The following KIAA0586 variants were observed in gnomAD, a reference collection of about 807,000 sequenced individuals.
KIAA0586 encodes the protein protein TALPID3.
A neutral mutation model predicts 169.8 loss-of-function variants in KIAA0586; 144 were observed. That is an observed-to-expected ratio of 0.85 (90% CI 0.74 to 0.97). The LOEUF (loss-of-function observed/expected upper bound fraction) is 0.97, where lower values mean the gene tolerates loss of function less well. KIAA0586 is among the 50% of genes least tolerant of loss of function. The probability of loss-of-function intolerance (pLI) is 0.00; values close to 1 mark genes in which losing one functional copy is unlikely to be tolerated. For synonymous variants in KIAA0586, 625 were observed against 612.4 expected (o/e 1.02, Z -0.30); for missense variants, 1,854 against 1,823.0 (o/e 1.02, Z -0.31).
At chr14:58,462,615 A>G (rs1283506951) in intron 14 of KIAA0586, among the ~76,000 whole-genome samples, 1 of 152,240 alleles carries the variant, frequency 6.6e-6, no homozygotes, top group Non-Finnish European at 1.5e-5. Flanking sequence ...AAATAATTTG[A>G]GGCTTTAAAA....
intron 14 of KIAA0586, among the ~76,000 whole-genome samples, chr14:58,465,235 A>T (rs980339500): frequency 6.6e-6 from 1 of 152,208 alleles, no homozygotes; most frequent in Non-Finnish European, 1.5e-5. Flanking sequence ...AGGTTTAAGT[A>T]AGTATAGAAT....
At position 58,538,570 on chromosome 14, in the gene KIAA0586, A is replaced by G. The variant is rs1023631071; in HGVS notation, c.4430-1501A>G. Among the ~76,000 whole-genome samples the G allele has an allele frequency of 1.1e-4, 17 of 152,278 alleles. No individual in the cohort carries two copies. The East Asian group carries it at 2.3e-3, about 21-fold the overall frequency. ...GAGTATGCATCTCCTTTGTGTTACA[A>G]ACAATCCAATTATACTCAGTTATTT... On this transcript the variant is annotated intron_variant, in intron 29 of 30. Coordinates refer to ENST00000652326, the MANE Select transcript of KIAA0586 (RefSeq NM_001329943.3).
intron 21 of KIAA0586, among the ~76,000 whole-genome samples, chr14:58,483,612 C>T (rs111615744): frequency 1.7e-3 from 261 of 151,854 alleles, no homozygotes; most frequent in African/African-American, 6.2e-3. Context: ...CATTGCTTTG[C>T]GTTATTATAT....
intron 6 of KIAA0586, 83 bp from the exon 7 acceptor site, chr14:58,448,257 C>G: frequency 1.2e-6 from 1 of 854,986 alleles, no homozygotes; most frequent in Admixed American, 2.6e-5. Context: ...TTATGTTTAA[C>G]TCCTCTAATA....
At chr14:58,442,253 G>A (rs1275154465) in intron 4 of KIAA0586, among the ~76,000 whole-genome samples, 1 of 152,096 alleles carries the variant, frequency 6.6e-6, no homozygotes, top group Middle Eastern at 3.2e-3. Context: ...AGGACTACAG[G>A]CGCATGCCAC....
At chr14:58,493,713 A>C (rs1251488825) in intron 26 of KIAA0586, among the ~76,000 whole-genome samples, 1 of 152,256 alleles carries the variant, frequency 6.6e-6, no homozygotes, top group Non-Finnish European at 1.5e-5. Flanking sequence ...TTAGCAATAG[A>C]TCATTTCACT....
chr14:58,436,029 T>C (rs943146001), intron 4 of KIAA0586, among the ~76,000 whole-genome samples: 2 of 152,128 alleles, frequency 1.3e-5, no homozygotes, highest in African/African-American at 4.8e-5. Flanking sequence ...ATTCTTAACA[T>C]GAAGGACAAT....
At chr14:58,459,742 T>G in intron 12 of KIAA0586, 101 bp from the exon 13 acceptor site, 1 of 624,730 alleles carries the variant, frequency 1.6e-6, no homozygotes, top group Non-Finnish European at 2.6e-6. Flanking sequence ...ACTGCTAAAC[T>G]GTATTTATAT....
In KIAA0586 at chr14:58,428,438, GACTAGTTT is replaced by G. The variant is rs1368085408; in HGVS notation, c.175_182del (p.Thr59GlufsTer14). The G allele has an allele frequency of 2.5e-6, 4 of 1,613,576 alleles. No individual in the cohort carries two copies. The highest frequency in any genetic ancestry group is 1.7e-5 in the Admixed American group (1 of 60,002). ...ATAAACGTCTTCCTGTTGGAACGGG[GACTAGTTT>G]GAATGGAACATCACGTGGTATGTGA... On this transcript the variant is annotated frameshift_variant, in exon 1 of 31. Coordinates refer to ENST00000652326, the MANE Select transcript of KIAA0586 (RefSeq NM_001329943.3). LOFTEE classifies it high-confidence loss of function.
chr14:58,529,971 C>G (rs555167121), intron 29 of KIAA0586, among the ~76,000 whole-genome samples: 2 of 152,236 alleles, frequency 1.3e-5, no homozygotes, highest in African/African-American at 4.8e-5. Context: ...TCATCTCAGC[C>G]CAAAATCTCC....
At chr14:58,460,886 C>G in intron 13 of KIAA0586, 100 bp from the exon 14 acceptor site, 1 of 752,700 alleles carries the variant, frequency 1.3e-6, no homozygotes, top group Non-Finnish European at 1.9e-6. Flanking sequence ...CTTAATCATT[C>G]TTGTTATAAT....
rs761492303 is a variant in KIAA0586, at chr14:58,428,288, G to A, written c.24G>A (p.Leu8=). 3.1e-6 allele frequency: 5 copies of A among 1,613,622 alleles called. No homozygotes were observed. The highest frequency in any genetic ancestry group is 4.2e-6 in the Non-Finnish European group (5 of 1,179,732). The part of the protein sequence containing the change: MKGSEVS[L]EKKKKIKMPV... ...ATATGAAAGGCTCTGAGGTCAGCTT[G>A]GAGAAGAAAAAAAAGATTAAGATGC... is the stretch of plus-strand genomic sequence containing the variant. The change falls in exon 1 of 31, where the codon TTG becomes TTA. Residue 8 remains leucine, a synonymous_variant. Transcript: ENST00000652326.
chr14:58,519,119 G>A (rs1299125740), intron 29 of KIAA0586, among the ~76,000 whole-genome samples: 1 of 152,220 alleles, frequency 6.6e-6, no homozygotes, highest in African/African-American at 2.4e-5. Context: ...GCCACAAAGT[G>A]AGACTCTGTC....
At chr14:58,498,377 T>C (rs2043310640) in intron 26 of KIAA0586, among the ~76,000 whole-genome samples, 1 of 151,902 alleles carries the variant, frequency 6.6e-6, no homozygotes, top group Non-Finnish European at 1.5e-5. Flanking sequence ...GGTTTCGCCA[T>C]GTTGCCTAGG....
chr14:58,495,447 G>A (rs1012608949), intron 26 of KIAA0586, among the ~76,000 whole-genome samples: 4 of 151,786 alleles, frequency 2.6e-5, no homozygotes, highest in South Asian at 2.1e-4. Context: ...GACTATAGGC[G>A]TGTACCATAC....
chr14:58,527,838 T>C (rs966438649), intron 29 of KIAA0586, among the ~76,000 whole-genome samples: 2 of 152,158 alleles, frequency 1.3e-5, no homozygotes, highest in Admixed American at 6.5e-5. Context: ...AATGACAGGA[T>C]CAAATTCACA....
Position 58,470,624 on chromosome 14 carries a change from T to C in KIAA0586, c.2454T>C (p.Ser818=). The part of the protein sequence containing the change: ...PPQLTVQVLP[S]VDIDSISNSS... ...GTATTCTGTTTTAGGTATTACCCAGTGTAGATATTGACAGCATTTCAAATA... is the reference window on the plus strand; with the variant it reads ...GTATTCTGTTTTAGGTATTACCCAGCGTAGATATTGACAGCATTTCAAATA... The change falls in exon 17 of 31, where the codon AGT becomes AGC. Residue 818 remains serine, a synonymous_variant. Coordinates refer to ENST00000652326, the MANE Select transcript of KIAA0586 (RefSeq NM_001329943.3). 1.3e-6 allele frequency: 2 copies of C among 1,591,990 alleles called. No individual in the cohort carries two copies. Among genetic ancestry groups the C allele is most frequent in the Non-Finnish European group, 1.7e-6 (2 of 1,160,394 alleles).
rs774754947 is a variant in KIAA0586 at position 58,540,091 on chromosome 14, C to T, written c.4450C>T (p.Arg1484Trp). 3.2e-6 allele frequency: 5 copies of T among 1,559,486 alleles called. No individual in the cohort carries two copies. The highest frequency in any genetic ancestry group is 4.4e-6 in the Non-Finnish European group (5 of 1,148,032). ...QQQVSPGDMD[R>W]TQIELNPYLT... ...TGTAGTTTCACCAGGTGATATGGATCGGACACAAATTGAGCTTAATCCGTA... is the reference window on the plus strand; with the variant it reads ...TGTAGTTTCACCAGGTGATATGGATTGGACACAAATTGAGCTTAATCCGTA... Residue 1484 changes from arginine (R) to tryptophan (W), a missense_variant, in exon 30 of 31, where the codon CGG becomes TGG. Arg to Trp is a moderately radical substitution (Grantham distance 101). Coordinates refer to ENST00000652326, the MANE Select transcript of KIAA0586 (RefSeq NM_001329943.3).
intron 27 of KIAA0586, among the ~76,000 whole-genome samples, chr14:58,503,538 C>T (rs2043724529): frequency 6.6e-6 from 1 of 152,106 alleles, no homozygotes; most frequent in African/African-American, 2.4e-5. Flanking sequence ...GAATATGAAA[C>T]TTGGTAAGGC....
Sources: allele counts gnomAD v4.1 joint callset (sites outside exome capture counted in the v4.1 genomes callset), GRCh38; gene constraint gnomAD v4.1.1; transcripts MANE v1.5; gene names NCBI Gene and HGNC (gene_info 2026-07-23, HGNC 2026-07-21).